DPP6: variants seen among roughly 807,000 people sequenced by gnomAD.
DPP6 encodes A-type potassium channel modulatory protein DPP6.
Under a neutral mutation model 122.6 loss-of-function variants are expected in DPP6, and 69 were observed. That is an observed-to-expected ratio of 0.56 (90% confidence interval 0.46 to 0.69). The LOEUF (loss-of-function observed/expected upper bound fraction) is 0.69, where lower values mean the gene tolerates loss of function less well. DPP6 is among the 30% of genes least tolerant of loss of function. The pLI, the probability that DPP6 is intolerant of heterozygous loss-of-function variation, is 0.00. For missense variants in DPP6, 928 were observed against 1,116.9 expected (o/e 0.83, Z 2.41); for synonymous variants, 418 against 433.1 (o/e 0.97, Z 0.43).
chr7:153,871,796 C>T, the DPP6 span, among the ~76,000 whole-genome samples: 4 of 152,126 alleles, frequency 2.6e-5, no homozygotes, highest in African/African-American at 7.2e-5. Flanking sequence ...CTTGGCTCCA[C>T]CCCAAAAATA....
intron 1 of DPP6, chr7:154,057,897 C>G (rs1801001429): frequency 6.7e-6 from 1 of 148,886 alleles, no homozygotes; most frequent in African/African-American, 2.6e-5. Context: ...CGTCTCTAAA[C>G]AACTAGACAG....
chr7:154,554,982 G>A (rs1039203940), intron 4 of DPP6, among the ~76,000 whole-genome samples: 6 of 152,120 alleles, frequency 3.9e-5, no homozygotes, highest in African/African-American at 2.4e-5. Flanking sequence ...CCTTGCTAAT[G>A]TAAGAATAAA....
intron 21 of DPP6, chr7:154,884,436 C>G (rs1563325332): frequency 7.5e-6 from 1 of 133,898 alleles, no homozygotes; most frequent in South Asian, 2.4e-4. Flanking sequence ...CACATGCTCA[C>G]CTATACACAT....
At chr7:154,669,622 T>C (rs1838426564) in intron 7 of DPP6, among the ~76,000 whole-genome samples, 181 bp downstream of exon 7, 1 of 152,168 alleles carries the variant, frequency 6.6e-6, no homozygotes, top group African/African-American at 2.4e-5. Context: ...AAGGGTCATT[T>C]CTTTTTAGAT....
intron 1 of DPP6, among the ~76,000 whole-genome samples, chr7:154,155,747 TCC>T (rs1274699844): frequency 6.6e-6 from 1 of 152,226 alleles, no homozygotes; most frequent in Admixed American, 6.5e-5. Flanking sequence ...CCTGAAGATG[TCC>T]CTTCTCTCAG....
chr7:153,772,048 TCCTCCTTC>T, the DPP6 span, among the ~76,000 whole-genome samples: 2 of 152,236 alleles, frequency 1.3e-5, no homozygotes, highest in Middle Eastern at 3.4e-3. Flanking sequence ...CGTTCCCAGT[TCCTCCTTC>T]ACAGCATACA....
chr7:154,314,746 C>T (rs1365492093), intron 1 of DPP6, among the ~76,000 whole-genome samples: 1 of 152,166 alleles, frequency 6.6e-6, no homozygotes, highest in Non-Finnish European at 1.5e-5. Context: ...ACACAACTCC[C>T]TCCTTTTTTT....
chr7:154,027,825 T>C (rs1355701370), intron 1 of DPP6, among the ~76,000 whole-genome samples: 2 of 151,908 alleles, frequency 1.3e-5, no homozygotes, highest in Non-Finnish European at 2.9e-5. Context: ...TCTTCCAGTA[T>C]CTTCCTTCAG....
chr7:154,742,467 T>G (rs912885795), intron 8 of DPP6, among the ~76,000 whole-genome samples: 1 of 152,238 alleles, frequency 6.6e-6, no homozygotes, highest in Non-Finnish European at 1.5e-5. Context: ...CAACCATTAA[T>G]GCATTAACTC....
chr7:154,386,100 G>A (rs976061645), intron 1 of DPP6, among the ~76,000 whole-genome samples: 20 of 152,190 alleles, frequency 1.3e-4, no homozygotes, highest in Non-Finnish European at 8.8e-5. Flanking sequence ...GTGGCCCTCA[G>A]GTGTGGACAT....
upstream of DPP6, among the ~76,000 whole-genome samples, chr7:153,883,679 C>T (rs565866905): frequency 2.0e-5 from 3 of 152,230 alleles, no homozygotes; most frequent in African/African-American, 7.2e-5. Flanking sequence ...CGCACCTGGA[C>T]CTGTCTTTCT....
chr7:153,940,299 A>T (rs1246680555), intron 1 of DPP6, among the ~76,000 whole-genome samples: 1 of 152,184 alleles, frequency 6.6e-6, no homozygotes, highest in African/African-American at 2.4e-5. Flanking sequence ...TGGAGTTCCC[A>T]TATATGAACC....
chr7:154,164,586 T>G (rs1797148268), intron 1 of DPP6, among the ~76,000 whole-genome samples: 1 of 152,168 alleles, frequency 6.6e-6, no homozygotes, highest in Non-Finnish European at 1.5e-5. Context: ...ATTTTCATCA[T>G]CCAAAATAGA....
chr7:154,213,697 C>T (rs997032687), intron 1 of DPP6, among the ~76,000 whole-genome samples: 2 of 152,136 alleles, frequency 1.3e-5, no homozygotes, highest in African/African-American at 4.8e-5. Flanking sequence ...AACCCCACCA[C>T]CCCCCAACCC....
intron 5 of DPP6, among the ~76,000 whole-genome samples, chr7:154,625,117 G>A (rs551916286): frequency 2.0e-5 from 3 of 152,304 alleles, no homozygotes; most frequent in African/African-American, 7.2e-5. Flanking sequence ...AATCATCAGA[G>A]CATCCGTGAA....
At chr7:154,572,732 TGC>T (rs1831208828) in intron 5 of DPP6, among the ~76,000 whole-genome samples, 1 of 148,722 alleles carries the variant, frequency 6.7e-6, no homozygotes, top group Admixed American at 6.8e-5. Context: ...TAGGCTGGAG[TGC>T]AGTGGCACGA....
At chr7:154,879,519 G>A in intron 20 of DPP6, among the ~76,000 whole-genome samples, 1 of 96,936 alleles carries the variant, frequency 1.0e-5, no homozygotes, top group Non-Finnish European at 1.9e-5. Flanking sequence ...GAACCCCAGG[G>A]GGCGGAGCCT....
At position 154,481,035 on chromosome 7, in the gene DPP6, A is replaced by G. The variant is rs1187591061; in HGVS notation, c.457+5998A>G. 1.3e-5 allele frequency among the ~76,000 whole-genome samples: 2 copies of G among 152,076 alleles called. No individual in the cohort carries two copies. The highest frequency in any genetic ancestry group is 2.9e-5 in the Non-Finnish European group (2 of 68,004). ...TGAATACCATGGCAGACTTGGCATC[A>G]GTCCACTCGGAGGGTTGGAGGGCTG... On this transcript the variant is annotated intron_variant, in intron 3 of 25. Coordinates refer to ENST00000377770, the MANE Select transcript of DPP6 (RefSeq NM_130797.4). This position sits in a 1 kb window ranked among gnomAD's most constrained non-coding sequence, Gnocchi z 4.2.
intron 1 of DPP6, among the ~76,000 whole-genome samples, chr7:153,966,474 G>A (rs4302765): frequency 0.014 from 2,016 of 144,266 alleles, 22 homozygotes; most frequent in East Asian, 0.037. Flanking sequence ...TTTACCTCCC[G>A]CCTTGGCCCC....
Sources: gnomAD v4.1 joint callset for allele counts (sites outside exome capture counted in the v4.1 genomes callset) on GRCh38, gnomAD v4.1.1 for gene constraint, Gnocchi (gnomAD v3.1) non-coding constraint, MANE v1.5 for transcripts, NCBI Gene and HGNC (gene_info 2026-07-23, HGNC 2026-07-21) for gene names.